Variants in GRM7 observed in about 807,000 individuals in gnomAD.
GRM7 encodes glutamate metabotropic receptor 7, also known as metabotropic glutamate receptor 7.
GRM7 carries 35 observed loss-of-function variants against 84.5 expected under a neutral mutation model. The observed-to-expected ratio is 0.41, with a 90% CI of 0.32 to 0.55. The LOEUF (loss-of-function observed/expected upper bound fraction) is 0.55. GRM7 is among the 20% of genes least tolerant of loss of function. The probability of loss-of-function intolerance (pLI) is 0.19; values close to 1 mark genes in which losing one functional copy is unlikely to be tolerated. For missense variants in GRM7, 1,003 were observed against 1,194.6 expected (o/e 0.84, Z 2.36); for synonymous variants, 487 against 455.1 (o/e 1.07, Z -0.89).
Position 7,122,223 on chromosome 3 carries a change from C to A in GRM7, c.520-24229C>A, listed in dbSNP as rs754128543. Reference sequence around the variant, plus strand: ...TGGCTGTGCCTGGCTGGAAAGGTGGCTGGTAGCAGCCTATTTGCAGACATC... The same window carrying A: ...TGGCTGTGCCTGGCTGGAAAGGTGGATGGTAGCAGCCTATTTGCAGACATC... On this transcript the variant is annotated intron_variant, in intron 1 of 9. Transcript: ENST00000357716. 3.0e-4 allele frequency among the ~76,000 whole-genome samples: 46 copies of A among 152,146 alleles called. 1 individual carries two copies. The highest frequency in any genetic ancestry group is 6.2e-4 in the Non-Finnish European group (42 of 68,030).
rs1180243265 is a variant in GRM7 at position 7,233,588 on chromosome 3, G to GT, written c.737-65089dup. On this transcript the variant is annotated intron_variant, in intron 2 of 9. Coordinates refer to ENST00000357716, the MANE Select transcript of GRM7 (RefSeq NM_000844.4). ...ACAGCTATTTTGAAAGACTATATGGGTTTTTTTGTAATTGTACCAACTATG... is the reference window on the plus strand; with the variant it reads ...ACAGCTATTTTGAAAGACTATATGGGTTTTTTTTGTAATTGTACCAACTATG... Among the ~76,000 whole-genome samples, 5 of 152,090 alleles carry GT rather than the reference G, an allele frequency of 3.3e-5. No individual in the cohort carries two copies. The East Asian group carries it at 5.8e-4, about 18-fold the overall frequency.
intron 1 of GRM7, among the ~76,000 whole-genome samples, chr3:6,918,636 C>G (rs970324697): frequency 6.6e-6 from 1 of 152,176 alleles, no homozygotes; most frequent in Admixed American, 6.6e-5. Context: ...ATGTCAAGTA[C>G]TCTGCCAAGA....
At chr3:7,481,064 A>G (rs549600463) in intron 7 of GRM7, among the ~76,000 whole-genome samples, 103 of 150,206 alleles carry the variant, frequency 6.9e-4, no homozygotes, top group African/African-American at 2.6e-3. Context: ...TTGTAAATAC[A>G]AAGTCTTTAT....
chr3:6,962,533 CAACA>C (rs1693342398), intron 1 of GRM7, among the ~76,000 whole-genome samples: 1 of 152,054 alleles, frequency 6.6e-6, no homozygotes, highest in African/African-American at 2.4e-5. Context: ...AGATTTTCTT[CAACA>C]GTCAATGAGG....
intron 5 of GRM7, among the ~76,000 whole-genome samples, chr3:7,419,756 G>A (rs1180334062): frequency 3.9e-5 from 6 of 152,172 alleles, no homozygotes; most frequent in South Asian, 2.1e-4. Context: ...CAGGAACTCA[G>A]CATTTACAAA....
intron 8 of GRM7, among the ~76,000 whole-genome samples, chr3:7,600,853 T>G (rs576811247): frequency 1.3e-5 from 2 of 152,164 alleles, no homozygotes; most frequent in African/African-American, 4.8e-5. Flanking sequence ...CTATTTTGTA[T>G]GCAAATCTCT....
rs562169190 is a variant in GRM7 at position 7,615,658 on chromosome 3, G to A, written c.2451+36301G>A. 1.1e-4 allele frequency among the ~76,000 whole-genome samples: 17 copies of A among 152,134 alleles called. No homozygotes were observed. The South Asian group carries it at 3.5e-3, about 32-fold the overall frequency. Reference sequence around the variant, plus strand: ...GTCTTCCTAGGTTATGGCCCTTTGAGGTTTCAAACCAAAGCCTGAATTTTA... The same window carrying A: ...GTCTTCCTAGGTTATGGCCCTTTGAAGTTTCAAACCAAAGCCTGAATTTTA... On this transcript the variant is annotated intron_variant, in intron 8 of 9. Transcript: ENST00000357716.
intron 4 of GRM7, among the ~76,000 whole-genome samples, chr3:7,342,901 C>T (rs73113735): frequency 0.042 from 6,338 of 152,220 alleles, 294 homozygotes; most frequent in African/African-American, 0.12. Flanking sequence ...GGACTGCAAT[C>T]TCTCATCTGT....
intron 2 of GRM7, among the ~76,000 whole-genome samples, chr3:7,189,351 G>A (rs1426586545): frequency 2.0e-5 from 3 of 152,082 alleles, no homozygotes; most frequent in Non-Finnish European, 2.9e-5. Flanking sequence ...TCCAGTTGTG[G>A]CACTGAACAA....
intron 8 of GRM7, among the ~76,000 whole-genome samples, chr3:7,657,235 G>GA (rs1455358148): frequency 1.3e-5 from 2 of 151,930 alleles, no homozygotes; most frequent in Non-Finnish European, 2.9e-5. Flanking sequence ...CCCCAAGTGA[G>GA]AAAAAAATGT....
intron 2 of GRM7, among the ~76,000 whole-genome samples, chr3:7,221,197 T>G (rs1696790369): frequency 6.6e-6 from 1 of 152,230 alleles, no homozygotes; most frequent in South Asian, 2.1e-4. Flanking sequence ...TGTGCATCTT[T>G]ACTCTCATCT....
At chr3:7,112,884 T>C (rs1692907874) in intron 1 of GRM7, among the ~76,000 whole-genome samples, 1 of 152,184 alleles carries the variant, frequency 6.6e-6, no homozygotes, top group African/African-American at 2.4e-5. Context: ...GACTACCACT[T>C]CCTGTTAACT....
At chr3:7,407,784 G>A (rs555760271) in intron 4 of GRM7, among the ~76,000 whole-genome samples, 60 of 152,352 alleles carry the variant, frequency 3.9e-4, no homozygotes, top group African/African-American at 1.4e-3. Flanking sequence ...GTAGTTGGCA[G>A]AGGCAGGATT....
At chr3:7,431,430 A>C (rs1330266946) in intron 5 of GRM7, among the ~76,000 whole-genome samples, 2 of 152,152 alleles carry the variant, frequency 1.3e-5, no homozygotes, top group Non-Finnish European at 2.9e-5. Flanking sequence ...CTGGGGGATG[A>C]AATATTCTTC....
intron 1 of GRM7, among the ~76,000 whole-genome samples, chr3:7,116,720 T>C (rs1435236504): frequency 1.3e-5 from 2 of 152,182 alleles, no homozygotes; most frequent in South Asian, 2.1e-4. Context: ...CTTCCCTTTT[T>C]AGATGTTGCT....
chr3:7,254,963 T>A (rs1575086390), intron 2 of GRM7, among the ~76,000 whole-genome samples: 1 of 152,190 alleles, frequency 6.6e-6, no homozygotes, highest in East Asian at 1.9e-4. Context: ...ATAATTAACA[T>A]ATATAAGACA....
At chr3:7,278,523 T>A (rs1401378954) in intron 2 of GRM7, among the ~76,000 whole-genome samples, 2 of 152,278 alleles carry the variant, frequency 1.3e-5, no homozygotes, top group South Asian at 4.1e-4. Flanking sequence ...ATTTTCTTCT[T>A]TTTAATTTAT....
intron 2 of GRM7, among the ~76,000 whole-genome samples, chr3:7,290,215 C>T (rs1281083141): frequency 6.6e-6 from 1 of 152,104 alleles, no homozygotes; most frequent in Non-Finnish European, 1.5e-5. Flanking sequence ...AGTATGACAT[C>T]AGAAATCAAT....
intron 7 of GRM7, among the ~76,000 whole-genome samples, chr3:7,494,730 C>T (rs566717405): frequency 6.6e-6 from 1 of 152,266 alleles, no homozygotes; most frequent in African/African-American, 2.4e-5. Flanking sequence ...ACTCTTGAGC[C>T]CATCCAGCCA....
Sources: allele counts gnomAD v4.1 joint callset (sites outside exome capture counted in the v4.1 genomes callset), GRCh38; gene constraint gnomAD v4.1.1; transcripts MANE v1.5; gene names NCBI Gene and HGNC (gene_info 2026-07-23, HGNC 2026-07-21).